Variants in DCAF6 observed in about 807,000 individuals in gnomAD.
DCAF6 encodes the protein DDB1 and CUL4 associated factor 6.
A neutral mutation model predicts 125.1 loss-of-function variants in DCAF6; 54 were observed. That is an observed-to-expected ratio of 0.43 (90% CI 0.35 to 0.54). DCAF6 has a LOEUF of 0.54. Among genes scored for constraint, DCAF6 ranks in the 20% least tolerant of loss-of-function variants. The pLI, the probability that DCAF6 is intolerant of heterozygous loss-of-function variation, is 0.01. For missense variants in DCAF6, 934 were observed against 1,161.7 expected, an observed-to-expected ratio of 0.80 and a Z score of 2.85; for synonymous variants, 371 against 390.4, an observed-to-expected ratio of 0.95 and a Z score of 0.58.
chr1:167,864,195 GTTCT>G, the DCAF6 span, among the ~76,000 whole-genome samples: 1 of 152,122 alleles, frequency 6.6e-6, no homozygotes, highest in Non-Finnish European at 1.5e-5. Flanking sequence ...CTTTTTACCC[GTTCT>G]TTGTTTTGTG....
the DCAF6 span, chr1:167,901,547 G>C: frequency 9.4e-7 from 1 of 1,061,380 alleles, no homozygotes; most frequent in Admixed American, 1.7e-5. Context: ...AAAGTTCAGG[G>C]CATCATGGGG....
At chr1:168,075,313 T>A in intron 21 of DCAF6, 58 bp from the exon 22 acceptor site, 2 of 1,479,804 alleles carry the variant, frequency 1.4e-6, no homozygotes, top group Non-Finnish European at 1.8e-6. Flanking sequence ...TGAAAAATAT[T>A]AATAATTGTA....
At chr1:167,934,723 A>G (rs890101545), upstream of DCAF6, among the ~76,000 whole-genome samples, 5 of 152,236 alleles carry the variant, frequency 3.3e-5, no homozygotes, top group African/African-American at 9.6e-5. Context: ...TTAACTATGT[A>G]GGAGAATAAA....
chr1:168,045,090 G>A lies in DCAF6; in HGVS notation c.2121G>A (p.Gln707=). 6.2e-7 allele frequency: 1 copy of A among 1,614,004 alleles called. No individual in the cohort carries two copies. The highest frequency in any genetic ancestry group is 8.5e-7 in the Non-Finnish European group (1 of 1,179,940). ...AAAATAACACCAATCCTGAGCCTCA[G>A]TTCCAAACAGAAGCCACTGGGCCTT... The part of the protein sequence containing the change: ...TNENNTNPEP[Q]FQTEATGPSA... Residue 707 remains glutamine (Q), a synonymous_variant, in exon 16 of 22, where the codon CAG becomes CAA. Transcript: ENST00000367840.
At chr1:167,919,180 A>G in the DCAF6 span, among the ~76,000 whole-genome samples, 1 of 152,224 alleles carries the variant, frequency 6.6e-6, no homozygotes, top group Admixed American at 6.5e-5. Context: ...CAGGCAGGCT[A>G]TTGGGTTAAC....
chr1:167,993,280 A>T lies in DCAF6; in HGVS notation c.743A>T (p.His248Leu), dbSNP rs778329582. 1.2e-6 allele frequency: 2 copies of T among 1,614,058 alleles called. No individual in the cohort carries two copies. The highest frequency in any genetic ancestry group is 1.7e-6 in the Non-Finnish European group (2 of 1,179,956). The change falls in exon 7 of 22, where the codon CAT becomes CTT. Residue 248 changes from histidine to leucine, a missense_variant. Coordinates refer to ENST00000367840, the MANE Select transcript of DCAF6 (RefSeq NM_001198956.2). The stretch of plus-strand genomic sequence containing the variant: ...ATGGTTGCCCGTTTTATTCCTTCCC[A>T]TCTTAATAATAAGTCCTGCAGAGTG... ...TGMVARFIPS[H>L]LNNKSCRVTS... is the part of the protein sequence containing the mutation.
intron 13 of DCAF6, among the ~76,000 whole-genome samples, chr1:168,039,622 AATT>A (rs908306545): frequency 6.8e-6 from 1 of 147,658 alleles, no homozygotes; most frequent in African/African-American, 2.5e-5. Flanking sequence ...GTTAATATAT[AATT>A]ATACCAATTG....
intron 3 of DCAF6, 43 bp downstream of exon 3, chr1:167,966,764 A>T: frequency 8.3e-7 from 1 of 1,199,328 alleles, no homozygotes; most frequent in Non-Finnish European, 1.2e-6. Flanking sequence ...AGAGAAAAAA[A>T]ATCAAGAAGG....
At chr1:167,960,719 T>TAA (rs1675457053) in intron 2 of DCAF6, among the ~76,000 whole-genome samples, 1 of 152,222 alleles carries the variant, frequency 6.6e-6, no homozygotes. Flanking sequence ...TTAAATTTGT[T>TAA]AAAGTGTATT....
rs114796522 is a variant in DCAF6 at position 167,957,418 on chromosome 1, T to C, written c.159+5557T>C. 5.0e-3 allele frequency among the ~76,000 whole-genome samples: 759 copies of C among 152,304 alleles called. 5 individuals carry two copies. Among genetic ancestry groups the C allele is most frequent in the African/African-American group, 0.017 (712 of 41,584 alleles). On this transcript the variant is annotated intron_variant, in intron 2 of 21. Coordinates refer to ENST00000367840, the MANE Select transcript of DCAF6 (RefSeq NM_001198956.2). ...ATGTTTTCAAGGTTAATCCATGTTG[T>C]AGTATGTGTCAGTATTTCATTCCTT...
chr1:167,890,453 G>A, the DCAF6 span, among the ~76,000 whole-genome samples: 88 of 152,014 alleles, frequency 5.8e-4, no homozygotes, highest in South Asian at 2.1e-3. Flanking sequence ...CTGGGGGTGG[G>A]GTCACACAAG....
chr1:167,904,749 C>T, the DCAF6 span: 2 of 616,198 alleles, frequency 3.2e-6, no homozygotes, highest in East Asian at 5.5e-5. Flanking sequence ...GATACTGGAG[C>T]AAAGAATGGG....
intron 7 of DCAF6, among the ~76,000 whole-genome samples, chr1:167,999,708 T>C (rs980172672): frequency 6.6e-6 from 1 of 152,192 alleles, no homozygotes; most frequent in African/African-American, 2.4e-5. Context: ...CCCTTACCTC[T>C]AACAGTTTTC....
At chr1:167,973,280 A>C (rs193227719) in intron 3 of DCAF6, among the ~76,000 whole-genome samples, 35 of 152,260 alleles carry the variant, frequency 2.3e-4, no homozygotes, top group African/African-American at 8.4e-4. Flanking sequence ...TTTTGGTGAG[A>C]ATTCTCAGGT....
chr1:167,927,005 A>G, the DCAF6 span, among the ~76,000 whole-genome samples: 1 of 152,228 alleles, frequency 6.6e-6, no homozygotes, highest in Non-Finnish European at 1.5e-5. Context: ...TTATTTATGC[A>G]TCTGTCACAT....
chr1:168,065,572 A>C lies in DCAF6; in HGVS notation c.2440-18A>C, dbSNP rs534203187. On this transcript the variant is annotated intron_variant, in intron 18 of 21. Coordinates refer to ENST00000367840, the MANE Select transcript of DCAF6 (RefSeq NM_001198956.2). The stretch of plus-strand genomic sequence containing the variant: ...TAACTTTGATTTGAATTTTTAAATA[A>C]TTTTTTTTAACCCTTAGATAAAAGA... 36 of 1,496,442 alleles carry C rather than the reference A, an allele frequency of 2.4e-5. No homozygotes were observed. In the East Asian group the frequency reaches 8.9e-4, roughly 37 times the overall value. 92.7% of individuals were successfully genotyped at this position (1,496,442 alleles called of 1,614,324 possible). A position where few individuals can be genotyped will look rare whatever the true frequency, so the allele number is the denominator to read the frequency against.
chr1:168,032,131 G>A (rs1444606977), intron 12 of DCAF6, among the ~76,000 whole-genome samples: 1 of 152,202 alleles, frequency 6.6e-6, no homozygotes, highest in Non-Finnish European at 1.5e-5. Flanking sequence ...AAATTTGACT[G>A]AATGTTAAAA....
At chr1:167,870,275 G>A in the DCAF6 span, 1 of 1,613,992 alleles carries the variant, frequency 6.2e-7, no homozygotes, top group Admixed American at 1.7e-5. Flanking sequence ...CTTACCTTGG[G>A]CCAGGTACTC....
At chr1:167,944,989 A>G (rs1445354355) in intron 1 of DCAF6, among the ~76,000 whole-genome samples, 1 of 152,176 alleles carries the variant, frequency 6.6e-6, no homozygotes, top group Non-Finnish European at 1.5e-5. Context: ...TCGTTTCCAC[A>G]GTGTATGTTC....
Sources: gnomAD v4.1 joint callset for allele counts (sites outside exome capture counted in the v4.1 genomes callset) on GRCh38, gnomAD v4.1.1 for gene constraint, MANE v1.5 for transcripts, NCBI Gene and HGNC (gene_info 2026-07-23, HGNC 2026-07-21) for gene names.